Variants in TACC2 observed in about 807,000 individuals in gnomAD.
The protein encoded by TACC2 is transforming acidic coiled-coil-containing protein 2.
In TACC2, 137 loss-of-function variants were observed where a neutral mutation model predicts 227.3. The ratio of observed to expected loss-of-function variants is 0.60; its 90% CI spans 0.52 to 0.69. TACC2 has a LOEUF of 0.69. TACC2 is among the 30% of genes least tolerant of loss of function. TACC2 has a pLI of 0.00. For missense variants in TACC2, 3,470 were observed against 3,694.4 expected, an observed-to-expected ratio of 0.94 and a Z score of 1.57; for synonymous variants, 1,523 against 1,487.5, an observed-to-expected ratio of 1.02 and a Z score of -0.55.
chr10:122,127,386 G>C (rs537262732), intron 5 of TACC2, among the ~76,000 whole-genome samples: 8 of 152,324 alleles, frequency 5.3e-5, no homozygotes, highest in South Asian at 4.1e-4. Context: ...GGCTTTTAAG[G>C]CTGGAACCTG....
intron 8 of TACC2, among the ~76,000 whole-genome samples, chr10:122,203,993 C>T (rs1210809855): frequency 6.6e-6 from 1 of 151,082 alleles, no homozygotes; most frequent in Admixed American, 6.6e-5. Flanking sequence ...CTGTCTCCAC[C>T]AAAAAAATAC....
At chr10:122,135,999 C>T (rs939491210) in intron 6 of TACC2, among the ~76,000 whole-genome samples, 1 of 152,170 alleles carries the variant, frequency 6.6e-6, no homozygotes, top group African/African-American at 2.4e-5. Flanking sequence ...AAGCTTCCTC[C>T]CGGCATGAGG....
Position 122,211,345 on chromosome 10 carries a change from C to T in TACC2, c.6920C>T (p.Thr2307Ile), listed in dbSNP as rs200197716. ...CTGAGGAGGCCAAAGATGAAAAAGA[C>T]ACCCGAGAAACTTGACAACACTCCT... Reference protein sequence around the residue: ...MPLRRPKMKKTPEKLDNTPAS... With the variant: ...MPLRRPKMKKIPEKLDNTPAS... Residue 2307 changes from threonine (T) to isoleucine (I), a missense_variant, in exon 9 of 23, where the codon ACA (threonine) becomes ATA (isoleucine). Transcript: ENST00000369005. 1.2e-4 allele frequency: 186 copies of T among 1,613,906 alleles called. No individual in the cohort carries two copies. Among genetic ancestry groups the T allele is most frequent in the African/African-American group, 4.0e-5 (3 of 74,990 alleles).
At chr10:122,102,741 C>A (rs2082314734) in intron 5 of TACC2, among the ~76,000 whole-genome samples, 1 of 152,176 alleles carries the variant, frequency 6.6e-6, no homozygotes, top group African/African-American at 2.4e-5. Context: ...ACACGTCTGT[C>A]CGAGCAGTGC....
chr10:122,174,698 T>C (rs1430362502), intron 7 of TACC2, among the ~76,000 whole-genome samples: 1 of 152,220 alleles, frequency 6.6e-6, no homozygotes, highest in African/African-American at 2.4e-5. Flanking sequence ...TAGAATACAC[T>C]TAAAATCTAC....
intron 7 of TACC2, among the ~76,000 whole-genome samples, chr10:122,186,959 C>T (rs1257374000): frequency 1.2e-4 from 19 of 152,164 alleles, no homozygotes; most frequent in Admixed American, 1.2e-3. Context: ...TTGATTCAGT[C>T]TGGCCTTTCT....
At chr10:122,109,307 T>C (rs907899112) in intron 5 of TACC2, among the ~76,000 whole-genome samples, 2 of 152,216 alleles carry the variant, frequency 1.3e-5, no homozygotes, top group Non-Finnish European at 2.9e-5. Flanking sequence ...TATTATTTTT[T>C]AATTTTTTGA....
In TACC2 at chr10:122,208,258, A is replaced by C. The variant is rs145158794; in HGVS notation, c.5972-2139A>C. Among the ~76,000 whole-genome samples, 115 of 152,302 alleles carry C rather than the reference A, an allele frequency of 7.6e-4. 1 individual carries two copies. The highest frequency in any genetic ancestry group is 2.3e-3 in the African/African-American group (95 of 41,536). On this transcript the variant is annotated intron_variant, in intron 8 of 22. Transcript: ENST00000369005. ...GATGTGCTTCCAAATGATGCTTTCA[A>C]TCCAAGCGTTTATTGATCCTGTAAG... is the stretch of plus-strand genomic sequence containing the variant.
chr10:122,072,244 C>T (rs2078167600), intron 3 of TACC2, among the ~76,000 whole-genome samples: 2 of 152,076 alleles, frequency 1.3e-5, no homozygotes, highest in Non-Finnish European at 2.9e-5. Context: ...CGTGAGCCAC[C>T]GTGCCCAGCT....
intron 3 of TACC2, among the ~76,000 whole-genome samples, chr10:122,077,128 A>G (rs1565222579): frequency 6.6e-6 from 1 of 151,800 alleles, no homozygotes; most frequent in East Asian, 1.9e-4. Flanking sequence ...AAAAAAAAAA[A>G]AAAAAAGAAT....
intron 1 of TACC2, among the ~76,000 whole-genome samples, chr10:122,011,327 GTTTGTT>G (rs1308852744): frequency 2.0e-5 from 3 of 152,008 alleles, no homozygotes; most frequent in African/African-American, 7.2e-5. Context: ...TTGTTTGTTT[GTTTGTT>G]TTTGTTTTTT....
At chr10:122,203,456 G>A (rs2094958285) in intron 8 of TACC2, among the ~76,000 whole-genome samples, 1 of 149,416 alleles carries the variant, frequency 6.7e-6, no homozygotes, top group Non-Finnish European at 1.5e-5. Context: ...TGGCTGCCGG[G>A]TGGAGACGCT....
intron 1 of TACC2, among the ~76,000 whole-genome samples, chr10:122,015,142 C>T (rs1264921233): frequency 1.3e-5 from 2 of 151,410 alleles, no homozygotes; most frequent in Non-Finnish European, 2.9e-5. Flanking sequence ...TATCTCATAG[C>T]TTTGCCCTAA....
At chr10:122,188,321 C>G (rs1408511616) in intron 7 of TACC2, among the ~76,000 whole-genome samples, 1 of 152,142 alleles carries the variant, frequency 6.6e-6, no homozygotes, top group Non-Finnish European at 1.5e-5. Flanking sequence ...GCCCTATCAT[C>G]CAGGCTGGAG....
At chr10:122,213,237 G>T (rs1482012754) in intron 9 of TACC2, 1 of 1,174,386 alleles carries the variant, frequency 8.5e-7, no homozygotes, top group Non-Finnish European at 1.3e-6. Context: ...GCCCTACAGC[G>T]GTGGCCGCCA....
chr10:122,082,497 C>T, intron 3 of TACC2, 150 bp from the exon 4 acceptor site: 1 of 856,326 alleles, frequency 1.2e-6, no homozygotes, highest in Non-Finnish European at 1.8e-6. Flanking sequence ...AGGGGGCTCT[C>T]ACAGAGAGGA....
chr10:122,028,093 T>TA (rs36043859), intron 2 of TACC2, among the ~76,000 whole-genome samples: 10,126 of 131,598 alleles, frequency 0.077, 516 homozygotes, highest in East Asian at 0.15. Flanking sequence ...TCTTTTTTTT[T>TA]TTTTTTTTTT....
At chr10:122,037,098 T>C (rs961073138) in intron 2 of TACC2, among the ~76,000 whole-genome samples, 3 of 152,204 alleles carry the variant, frequency 2.0e-5, no homozygotes. Context: ...CACATAAGGT[T>C]CTGGAAAAGG....
chr10:122,190,688 C>T (rs984308062), intron 7 of TACC2, among the ~76,000 whole-genome samples: 2 of 152,016 alleles, frequency 1.3e-5, no homozygotes, highest in Admixed American at 6.6e-5. Context: ...CAGGACAGGC[C>T]GTTAAAAATC....
Sources: allele counts gnomAD v4.1 joint callset (sites outside exome capture counted in the v4.1 genomes callset), GRCh38; gene constraint gnomAD v4.1.1; transcripts MANE v1.5; gene names NCBI Gene and HGNC (gene_info 2026-07-23, HGNC 2026-07-21).